Variants in CHCHD3 observed in about 807,000 individuals in gnomAD.
CHCHD3 encodes coiled-coil-helix-coiled-coil-helix domain containing 3.
A neutral mutation model predicts 38.2 loss-of-function variants in CHCHD3; 20 were observed. The observed-to-expected ratio is 0.52, with a 90% CI of 0.37 to 0.76. The LOEUF (loss-of-function observed/expected upper bound fraction) is 0.76, where lower values mean the gene tolerates loss of function less well. CHCHD3 is among the 30% of genes least tolerant of loss of function. CHCHD3 has a pLI of 0.00. For missense variants in CHCHD3, 245 were observed against 279.2 expected (o/e 0.88, Z 0.87); for synonymous variants, 82 against 100.0 (o/e 0.82, Z 1.07).
At chr7:132,987,140 A>G (rs1812142453) in intron 3 of CHCHD3, among the ~76,000 whole-genome samples, 1 of 152,172 alleles carries the variant, frequency 6.6e-6, no homozygotes, top group East Asian at 1.9e-4. Flanking sequence ...CTTACCCCCA[A>G]ACAGAATGTT....
Position 132,785,613 on chromosome 7 carries a change from G to C in CHCHD3, c.*24C>G. ...TCCATCTCTGGAATTAACGTTGATG[G>C]TGTTTTGCTCATTCTGAAAGTTTTT... On this transcript the variant is annotated 3_prime_UTR_variant, in exon 8 of 8. Transcript: ENST00000262570. 6.2e-7 allele frequency: 1 copy of C among 1,612,416 alleles called. No individual in the cohort carries two copies. The highest frequency in any genetic ancestry group is 1.1e-5 in the South Asian group (1 of 90,976).
rs1207235834 is a variant in CHCHD3, at chr7:132,873,408, T to C, written c.453+12254A>G. 2.7e-5 allele frequency among the ~76,000 whole-genome samples: 3 copies of C among 111,092 alleles called. No homozygotes were observed. In the South Asian group the frequency reaches 1.0e-3, roughly 38 times the overall value. 72.9% of individuals were successfully genotyped at this position (111,092 alleles called of 152,430 possible). ...TAGCTTATAATAATCCCTCAATTCATGGTAAATTTTTTTTTTTTTTTTTTG... is the reference window on the plus strand; with the variant it reads ...TAGCTTATAATAATCCCTCAATTCACGGTAAATTTTTTTTTTTTTTTTTTG... On this transcript the variant is annotated intron_variant, in intron 5 of 7. Coordinates refer to ENST00000262570, the MANE Select transcript of CHCHD3 (RefSeq NM_017812.4).
intron 5 of CHCHD3, among the ~76,000 whole-genome samples, chr7:132,867,617 C>A (rs953334649): frequency 8.6e-5 from 13 of 152,020 alleles, no homozygotes; most frequent in African/African-American, 3.1e-4. Flanking sequence ...GTTACTAATA[C>A]AATAATAGAA....
intron 5 of CHCHD3, among the ~76,000 whole-genome samples, chr7:132,860,052 C>T (rs7786358): frequency 0.22 from 33,893 of 152,056 alleles, 3,986 homozygotes; most frequent in South Asian, 0.26. Context: ...AGGCAGATTG[C>T]TTGGGCCCGG....
At chr7:132,821,601 A>G (rs554965307) in intron 6 of CHCHD3, among the ~76,000 whole-genome samples, 2 of 152,290 alleles carry the variant, frequency 1.3e-5, no homozygotes, top group South Asian at 4.1e-4. Context: ...GTAGTATATT[A>G]AACATTTGCT....
intron 4 of CHCHD3, among the ~76,000 whole-genome samples, chr7:132,946,384 G>A (rs1347584829): frequency 5.3e-5 from 8 of 151,824 alleles, no homozygotes; most frequent in African/African-American, 1.9e-4. Context: ...ATAAAAATCA[G>A]CCAGTTTTAA....
At chr7:132,903,175 T>A (rs1468023403) in intron 4 of CHCHD3, among the ~76,000 whole-genome samples, 2 of 152,206 alleles carry the variant, frequency 1.3e-5, no homozygotes, top group Non-Finnish European at 2.9e-5. Flanking sequence ...GTCCCTGATA[T>A]AAAATGGCAT....
At chr7:132,844,690 G>A (rs568336683) in intron 5 of CHCHD3, among the ~76,000 whole-genome samples, 1 of 152,112 alleles carries the variant, frequency 6.6e-6, no homozygotes, top group East Asian at 1.9e-4. Context: ...TAAATTTAAA[G>A]TAGAATGACA....
intron 4 of CHCHD3, among the ~76,000 whole-genome samples, chr7:132,969,159 T>TG (rs1562924893): frequency 1.3e-5 from 1 of 74,508 alleles, no homozygotes; most frequent in African/African-American, 5.5e-5. Flanking sequence ...TTTTACTGTG[T>TG]TTTTTTTTTT....
chr7:132,843,392 T>C (rs985273787), intron 5 of CHCHD3, among the ~76,000 whole-genome samples: 2 of 152,218 alleles, frequency 1.3e-5, no homozygotes, highest in African/African-American at 4.8e-5. Context: ...ACTACAGGGT[T>C]TCTAGAACAA....
chr7:132,794,240 G>A (rs973118750), intron 7 of CHCHD3, among the ~76,000 whole-genome samples: 1 of 152,138 alleles, frequency 6.6e-6, no homozygotes, highest in African/African-American at 2.4e-5. Context: ...ATGGATGGAT[G>A]CCCCTTCACA....
chr7:132,882,641 G>A (rs534705234), intron 5 of CHCHD3, among the ~76,000 whole-genome samples: 27 of 152,104 alleles, frequency 1.8e-4, no homozygotes, highest in African/African-American at 6.5e-4. Flanking sequence ...AATCTTCTCA[G>A]ACGTTTGTAC....
intron 4 of CHCHD3, among the ~76,000 whole-genome samples, chr7:132,943,345 T>C (rs1366569255): frequency 6.6e-6 from 1 of 152,094 alleles, no homozygotes; most frequent in Non-Finnish European, 1.5e-5. Context: ...AAATATACAA[T>C]AAATAATAAT....
intron 2 of CHCHD3, among the ~76,000 whole-genome samples, chr7:133,066,703 C>T (rs928137783): frequency 3.3e-5 from 5 of 152,146 alleles, no homozygotes; most frequent in African/African-American, 1.2e-4. Flanking sequence ...GCATGCTCTT[C>T]GGGCCAGACA....
intron 3 of CHCHD3, among the ~76,000 whole-genome samples, chr7:133,007,238 A>G (rs181399224): frequency 3.0e-4 from 46 of 152,308 alleles, no homozygotes; most frequent in African/African-American, 1.1e-3. Context: ...CTAATAAAGA[A>G]TTGACAATGG....
chr7:132,847,985 C>T (rs1034792808), intron 5 of CHCHD3, among the ~76,000 whole-genome samples: 8 of 152,146 alleles, frequency 5.3e-5, no homozygotes, highest in Admixed American at 1.3e-4. Flanking sequence ...AAGAACAAGA[C>T]GATTGCCTGT....
intron 4 of CHCHD3, among the ~76,000 whole-genome samples, chr7:132,933,347 G>T (rs190614530): frequency 1.1e-3 from 164 of 152,290 alleles, no homozygotes; most frequent in African/African-American, 3.8e-3. Context: ...CTGATGGTGT[G>T]CTCAGCATGC....
chr7:133,027,339 G>A (rs931220371), intron 2 of CHCHD3, among the ~76,000 whole-genome samples: 8 of 139,544 alleles, frequency 5.7e-5, no homozygotes, highest in African/African-American at 2.1e-4. Flanking sequence ...ATTATGATAT[G>A]CTAAATGTAC....
intron 7 of CHCHD3, among the ~76,000 whole-genome samples, chr7:132,792,488 C>G (rs906604781): frequency 6.6e-6 from 1 of 152,158 alleles, no homozygotes; most frequent in Admixed American, 6.5e-5. Flanking sequence ...GCAGACCAAT[C>G]AGAAATGCAA....
Sources: allele counts gnomAD v4.1 joint callset (sites outside exome capture counted in the v4.1 genomes callset), GRCh38; gene constraint gnomAD v4.1.1; transcripts MANE v1.5; gene names NCBI Gene and HGNC (gene_info 2026-07-23, HGNC 2026-07-21).